ITGA1: variants seen among roughly 807,000 people sequenced by gnomAD.
The protein encoded by ITGA1 is integrin subunit alpha 1, also known as integrin alpha-1.
ITGA1 carries 85 observed loss-of-function variants against 145.9 expected under a neutral mutation model. That is an observed-to-expected ratio of 0.58 (90% CI 0.49 to 0.70). The LOEUF (loss-of-function observed/expected upper bound fraction) is 0.70. Ranked by LOEUF, ITGA1 falls within the 30% of genes least tolerant of loss-of-function variation. ITGA1 has a pLI of 0.00. For missense variants in ITGA1, 1,351 were observed against 1,418.7 expected, an observed-to-expected ratio of 0.95 and a Z score of 0.77; for synonymous variants, 520 against 495.3, an observed-to-expected ratio of 1.05 and a Z score of -0.66.
chr5:52,848,146 A>T (rs969932224), intron 1 of ITGA1, among the ~76,000 whole-genome samples: 1 of 152,236 alleles, frequency 6.6e-6, no homozygotes, highest in Non-Finnish European at 1.5e-5. Context: ...CAACATTATA[A>T]GGAGGCTTCA....
chr5:52,910,024 A>G lies in ITGA1; in HGVS notation c.1600-138A>G, dbSNP rs1223020566. 8.8e-5 allele frequency: 70 copies of G among 794,978 alleles called. 1 individual carries two copies. The East Asian group carries it at 1.7e-3, about 20-fold the overall frequency. The allele number at this position is 794,978 out of a possible 1,614,324, so 49.2% of individuals were successfully genotyped here. On this transcript the variant is annotated intron_variant, in intron 13 of 28. Transcript: ENST00000282588. ...CCTAACTTTACTCTCAGATAGGCAC[A>G]CTTTTTAAGAAATTTTACCAACTTT...
chr5:52,937,466 A>G lies in ITGA1; in HGVS notation c.3030A>G (p.Thr1010=). The stretch of plus-strand genomic sequence containing the variant: ...TGTCAATTTCATTCCCCAATATGAC[A>G]TCAAATGGTTACCCTGTGCTGTACC... ...LKLSISFPNM[T]SNGYPVLYPT... is the part of the protein sequence containing the mutation. The change falls in exon 24 of 29, where the codon ACA becomes ACG. Residue 1010 remains threonine (T), a synonymous_variant. Transcript: ENST00000282588. 3 of 1,613,854 alleles carry G rather than the reference A, an allele frequency of 1.9e-6. No homozygotes were observed. Among genetic ancestry groups the G allele is most frequent in the Non-Finnish European group, 1.7e-6 (2 of 1,179,766 alleles).
chr5:52,874,048 AAGACT>A (rs1749826757), intron 6 of ITGA1, among the ~76,000 whole-genome samples: 1 of 151,980 alleles, frequency 6.6e-6, no homozygotes, highest in Non-Finnish European at 1.5e-5. Flanking sequence ...CAAAATACCC[AAGACT>A]AGACAATTTG....
At chr5:52,831,340 G>T (rs1749067289) in intron 1 of ITGA1, among the ~76,000 whole-genome samples, 2 of 152,032 alleles carry the variant, frequency 1.3e-5, no homozygotes, top group African/African-American at 4.8e-5. Context: ...CACCATGTTG[G>T]CCAGGCTGGT....
intron 2 of ITGA1, among the ~76,000 whole-genome samples, chr5:52,858,607 C>T (rs950596659): frequency 1.8e-4 from 27 of 152,132 alleles, no homozygotes; most frequent in Admixed American, 1.2e-3. Context: ...ATCGTAGGCT[C>T]ATTTTTTTCT....
intron 1 of ITGA1, among the ~76,000 whole-genome samples, chr5:52,838,871 C>T (rs1268849515): frequency 3.9e-5 from 6 of 152,054 alleles, no homozygotes; most frequent in East Asian, 1.9e-4. Flanking sequence ...CCGAGGCAGG[C>T]GGATCACTCG....
chr5:52,893,937 T>A (rs2111824788), intron 9 of ITGA1, 97 bp downstream of exon 9: 2 of 788,946 alleles, frequency 2.5e-6, no homozygotes, highest in Middle Eastern at 3.8e-4. Context: ...AGTAATACTT[T>A]TTTTTTTTTT....
chr5:52,935,213 T>C (rs1320640035), intron 23 of ITGA1, among the ~76,000 whole-genome samples: 1 of 151,990 alleles, frequency 6.6e-6, no homozygotes, highest in Admixed American at 6.6e-5. Flanking sequence ...ATTCTAGAAT[T>C]GGAATAAAGG....
intron 2 of ITGA1, among the ~76,000 whole-genome samples, chr5:52,857,060 C>T (rs1561228638): frequency 6.6e-6 from 1 of 152,162 alleles, no homozygotes; most frequent in East Asian, 1.9e-4. Context: ...CTGCAAAGGC[C>T]TTTTAAGGCC....
intron 24 of ITGA1, among the ~76,000 whole-genome samples, chr5:52,938,028 T>C (rs1325166764): frequency 6.6e-6 from 1 of 152,188 alleles, no homozygotes; most frequent in Non-Finnish European, 1.5e-5. Context: ...AGATCCTTAA[T>C]ATAATTATGT....
chr5:52,912,210 A>G (rs1454737242), intron 14 of ITGA1, among the ~76,000 whole-genome samples: 1 of 144,386 alleles, frequency 6.9e-6, no homozygotes, highest in Non-Finnish European at 1.5e-5. Flanking sequence ...TCTAGTATAT[A>G]GATATGATAT....
intron 1 of ITGA1, among the ~76,000 whole-genome samples, chr5:52,788,997 G>T (rs1210237511): frequency 6.6e-6 from 1 of 152,120 alleles, no homozygotes; most frequent in Admixed American, 6.5e-5. Context: ...AGAAAGGAAT[G>T]GTGAACATTT....
intron 6 of ITGA1, among the ~76,000 whole-genome samples, chr5:52,881,398 C>T (rs947236998): frequency 6.6e-6 from 1 of 152,186 alleles, no homozygotes; most frequent in African/African-American, 2.4e-5. Context: ...GTCTCAGCTT[C>T]TGAGAAGCCT....
rs1003264703 is a variant in ITGA1, at chr5:52,821,314, C to T, written c.62-28051C>T. Among the ~76,000 whole-genome samples, 10 of 152,146 alleles carry T rather than the reference C, an allele frequency of 6.6e-5. 2 individuals carry two copies. The highest frequency in any genetic ancestry group is 2.9e-5 in the Non-Finnish European group (2 of 67,998). On this transcript the variant is annotated intron_variant, in intron 1 of 28. Coordinates refer to ENST00000282588, the MANE Select transcript of ITGA1 (RefSeq NM_181501.2). ...GTGGTCTAAACTGTTAAATCTGTTCCGAAGTCTAGGAACCTATGTCAGTCA... is the reference window on the plus strand; with the variant it reads ...GTGGTCTAAACTGTTAAATCTGTTCTGAAGTCTAGGAACCTATGTCAGTCA...
intron 1 of ITGA1, among the ~76,000 whole-genome samples, chr5:52,838,291 C>T (rs917176036): frequency 6.6e-6 from 1 of 152,086 alleles, no homozygotes; most frequent in Non-Finnish European, 1.5e-5. Context: ...GAAAAATAGT[C>T]TATTACATAC....
chr5:52,914,730 CTTGAAGTT>C (rs1267845585), intron 14 of ITGA1, among the ~76,000 whole-genome samples: 1 of 152,142 alleles, frequency 6.6e-6, no homozygotes, highest in African/African-American at 2.4e-5. Flanking sequence ...GCTCAGAAGA[CTTGAAGTT>C]TAGGGAGGGT....
intron 1 of ITGA1, among the ~76,000 whole-genome samples, chr5:52,823,522 T>C (rs1820167): frequency 0.59 from 89,665 of 152,066 alleles, 26,889 homozygotes; most frequent in South Asian, 0.72. Flanking sequence ...TTTTAAATGG[T>C]GATGATTATG....
At chr5:52,800,374 C>T in intron 1 of ITGA1, 4 of 1,613,066 alleles carry the variant, frequency 2.5e-6, no homozygotes, top group Non-Finnish European at 3.4e-6. Flanking sequence ...TTGGTTCTGT[C>T]AGTGAGCCCC....
chr5:52,934,336 C>T (rs1750935267), intron 23 of ITGA1, among the ~76,000 whole-genome samples: 1 of 151,318 alleles, frequency 6.6e-6, no homozygotes, highest in African/African-American at 2.4e-5. Flanking sequence ...TAGATGCTAC[C>T]GATAAACCTG....
Sources: allele counts gnomAD v4.1 joint callset (sites outside exome capture counted in the v4.1 genomes callset), GRCh38; gene constraint gnomAD v4.1.1; transcripts MANE v1.5; gene names NCBI Gene and HGNC (gene_info 2026-07-23, HGNC 2026-07-21).